Variants in DENND1A observed in about 807,000 individuals in gnomAD.
DENND1A encodes the protein DENN domain-containing protein 1A.
A neutral mutation model predicts 113.7 loss-of-function variants in DENND1A; 51 were observed. The ratio of observed to expected loss-of-function variants is 0.45; its 90% CI spans 0.36 to 0.57. The LOEUF is 0.57. Among genes scored for constraint, DENND1A ranks in the 20% least tolerant of loss-of-function variants. The probability of loss-of-function intolerance (pLI) is 0.00; values close to 1 mark genes in which losing one functional copy is unlikely to be tolerated. For synonymous variants in DENND1A, 565 were observed against 570.8 expected, an observed-to-expected ratio of 0.99 and a Z score of 0.14; for missense variants, 1,258 against 1,395.9, an observed-to-expected ratio of 0.90 and a Z score of 1.57.
chr9:123,480,325 C>A (rs2050233516), intron 13 of DENND1A, among the ~76,000 whole-genome samples: 1 of 152,190 alleles, frequency 6.6e-6, no homozygotes, highest in South Asian at 2.1e-4. Context: ...CGGCACTGCC[C>A]TTGTGAGAGG....
intron 2 of DENND1A, chr9:123,798,533 T>A (rs897304341): frequency 4.6e-5 from 7 of 152,128 alleles, no homozygotes; most frequent in Admixed American, 6.5e-5. Flanking sequence ...TTCTGGAGAA[T>A]ATGGAAGGAT....
chr9:123,745,724 T>C (rs894998109), intron 5 of DENND1A, among the ~76,000 whole-genome samples: 2 of 152,228 alleles, frequency 1.3e-5, no homozygotes, highest in African/African-American at 4.8e-5. Context: ...ACAGTCCAAA[T>C]GGCCACCTAC....
intron 11 of DENND1A, among the ~76,000 whole-genome samples, chr9:123,590,361 T>C (rs1013057793): frequency 8.5e-5 from 13 of 152,170 alleles, no homozygotes; most frequent in Non-Finnish European, 1.8e-4. Flanking sequence ...AATGAATGAA[T>C]GAGAGGCAGC....
chr9:123,753,703 GATGC>G (rs10556442), intron 5 of DENND1A, among the ~76,000 whole-genome samples: 64,000 of 151,732 alleles, frequency 0.42, 16,697 homozygotes, highest in African/African-American at 0.74. Context: ...AACTGCTGGA[GATGC>G]ATGCATAGTT....
At chr9:123,894,363 T>TATAA (rs1406983560) in intron 1 of DENND1A, among the ~76,000 whole-genome samples, 3 of 152,238 alleles carry the variant, frequency 2.0e-5, no homozygotes, top group Non-Finnish European at 2.9e-5. Context: ...ATTCAACACA[T>TATAA]ATTTATGAGT....
At chr9:123,871,012 C>G (rs1846515498) in intron 2 of DENND1A, among the ~76,000 whole-genome samples, 1 of 152,016 alleles carries the variant, frequency 6.6e-6, no homozygotes, top group Non-Finnish European at 1.5e-5. Context: ...ACATTTTAAT[C>G]TGGAATAAAA....
intron 17 of DENND1A, among the ~76,000 whole-genome samples, chr9:123,451,666 G>A (rs1368020885): frequency 6.6e-6 from 1 of 152,220 alleles, no homozygotes; most frequent in African/African-American, 2.4e-5. Flanking sequence ...GATAGACCAT[G>A]CTTCCGGGTC....
At chr9:123,663,171 T>G (rs1369997268) in intron 8 of DENND1A, among the ~76,000 whole-genome samples, 1 of 152,122 alleles carries the variant, frequency 6.6e-6, no homozygotes, top group Admixed American at 6.5e-5. Context: ...AAGGAAGAAG[T>G]AGGTAGATAT....
chr9:123,452,344 CTTTCTA>C lies in DENND1A; in HGVS notation c.1228-3_1230del. 1 of 1,614,142 alleles carries C rather than the reference CTTTCTA, an allele frequency of 6.2e-7. No homozygotes were observed. Among genetic ancestry groups the C allele is most frequent in the Non-Finnish European group, 8.5e-7 (1 of 1,179,978 alleles). On this transcript the variant is annotated splice_acceptor_variant and splice_polypyrimidine_tract_variant and coding_sequence_variant and intron_variant, in exon 17 of 24. Transcript: ENST00000394215. LOFTEE classifies it high-confidence loss of function. ...ACAGTATTCAGAATTGCTCCACTTC[CTTTCTA>C]TAATAAAAATGTCAATTAGCAATTT...
At chr9:123,768,054 C>T (rs1040504691) in intron 4 of DENND1A, among the ~76,000 whole-genome samples, 2 of 152,150 alleles carry the variant, frequency 1.3e-5, no homozygotes, top group Non-Finnish European at 2.9e-5. Context: ...CAAAACCTTA[C>T]TTCCTTGCAT....
rs1353291064 is a variant in DENND1A, at chr9:123,440,417, C to T, written c.1431G>A (p.Glu477=). 5 of 1,595,522 alleles carry T rather than the reference C, an allele frequency of 3.1e-6. No individual in the cohort carries two copies. The highest frequency in any genetic ancestry group is 3.4e-6 in the Non-Finnish European group (4 of 1,173,472). ...LPKTAPSPLV[E]AKDPKLREDR... is the part of the protein sequence containing the mutation. Reference sequence around the variant, plus strand: ...CTTCTCGGAGCTTGGGGTCCTTGGCCTCCACCAGTGGGGACGGTGCAGTCT... The same window carrying T: ...CTTCTCGGAGCTTGGGGTCCTTGGCTTCCACCAGTGGGGACGGTGCAGTCT... Residue 477 remains glutamate (E), a synonymous_variant, in exon 19 of 24, where the codon GAG becomes GAA. Coordinates refer to ENST00000394215, the MANE Select transcript of DENND1A (RefSeq NM_001352964.2).
intron 2 of DENND1A, among the ~76,000 whole-genome samples, chr9:123,809,956 G>A (rs1205180196): frequency 6.6e-6 from 1 of 152,118 alleles, no homozygotes; most frequent in African/African-American, 2.4e-5. Flanking sequence ...ATTTAGGCAG[G>A]AGCCACCGGT....
intron 9 of DENND1A, among the ~76,000 whole-genome samples, chr9:123,637,536 T>A (rs1453690566): frequency 6.6e-6 from 1 of 152,224 alleles, no homozygotes; most frequent in African/African-American, 2.4e-5. Context: ...CTCTGTGAAG[T>A]CAACCTATTT....
intron 5 of DENND1A, among the ~76,000 whole-genome samples, chr9:123,703,963 A>G (rs1041747055): frequency 6.6e-6 from 1 of 151,914 alleles, no homozygotes; most frequent in African/African-American, 2.4e-5. Context: ...GTATGTAAAT[A>G]TATATTTTAT....
At chr9:123,456,549 A>G (rs955238075) in intron 15 of DENND1A, among the ~76,000 whole-genome samples, 24 of 152,116 alleles carry the variant, frequency 1.6e-4, no homozygotes, top group Non-Finnish European at 2.9e-4. Context: ...TGGCTCACAC[A>G]CCTGTAATCC....
rs193203600 is a variant in DENND1A at position 123,666,688 on chromosome 9, A to G, written c.507+338T>C. ...TGACAAAAATAAGTCATATGAATGA[A>G]AATGGAAAAGATGTTTTTATAATAG... On this transcript the variant is annotated intron_variant, in intron 8 of 23. Transcript: ENST00000394215. Among the ~76,000 whole-genome samples the G allele has an allele frequency of 1.2e-4, 18 of 152,358 alleles. No homozygotes were observed. In the East Asian group the frequency reaches 2.7e-3, roughly 23 times the overall value.
intron 13 of DENND1A, among the ~76,000 whole-genome samples, chr9:123,488,224 C>T (rs940236384): frequency 2.0e-5 from 3 of 152,204 alleles, no homozygotes; most frequent in South Asian, 4.1e-4. Flanking sequence ...CCTGCTTGTT[C>T]AATTGTGAGA....
At chr9:123,905,851 G>C (rs1033350115) in intron 1 of DENND1A, among the ~76,000 whole-genome samples, 16 of 151,308 alleles carry the variant, frequency 1.1e-4, no homozygotes, top group Non-Finnish European at 2.4e-4. Context: ...TCTGCACCAA[G>C]CAAACCTAAT....
intron 13 of DENND1A, among the ~76,000 whole-genome samples, chr9:123,506,275 C>T (rs972591679): frequency 2.0e-5 from 3 of 152,128 alleles, no homozygotes; most frequent in African/African-American, 7.2e-5. Flanking sequence ...TAGTGCCCCG[C>T]ACGGAGTAAG....
Sources: allele counts gnomAD v4.1 joint callset (sites outside exome capture counted in the v4.1 genomes callset), GRCh38; gene constraint gnomAD v4.1.1; transcripts MANE v1.5; gene names NCBI Gene and HGNC (gene_info 2026-07-23, HGNC 2026-07-21).